Variants in ICA1 observed in about 807,000 individuals in gnomAD.
ICA1 encodes 69 kDa islet cell autoantigen.
ICA1 carries 40 observed loss-of-function variants against 71.0 expected under a neutral mutation model. The ratio of observed to expected loss-of-function variants is 0.56; its 90% CI spans 0.44 to 0.73. The LOEUF (loss-of-function observed/expected upper bound fraction) is 0.73, where lower values mean the gene tolerates loss of function less well. Ranked by LOEUF, ICA1 falls within the 30% of genes least tolerant of loss-of-function variation. ICA1 has a pLI of 0.00. For missense variants in ICA1, 578 were observed against 576.5 expected (o/e 1.00, Z -0.03); for synonymous variants, 207 against 209.5 (o/e 0.99, Z 0.10).
intron 12 of ICA1, among the ~76,000 whole-genome samples, chr7:8,137,858 C>G (rs1793940508): frequency 6.6e-6 from 1 of 152,222 alleles, no homozygotes; most frequent in Non-Finnish European, 1.5e-5. Context: ...CAGAGACTCT[C>G]TTCCTTGCAC....
Position 8,113,287 on chromosome 7 carries a change from C to CA in ICA1, c.*635dup, listed in dbSNP as rs1479867684. The CA allele has an allele frequency of 2.0e-5, 3 of 151,328 alleles. No individual in the cohort carries two copies. Among genetic ancestry groups the CA allele is most frequent in the Non-Finnish European group, 4.4e-5 (3 of 67,902 alleles). 9.4% of individuals were successfully genotyped at this position (151,328 alleles called of 1,614,324 possible). On this transcript the variant is annotated 3_prime_UTR_variant, in exon 14 of 14. Transcript: ENST00000402384. The surrounding 1 kb of genome is among the most constrained non-coding windows in gnomAD (Gnocchi z 4.2). ...TTTTGAATTCCAGCCACGAAGAGGA[C>CA]AAAAGGAGACAGTGGTATCTGCAAA... is the stretch of plus-strand genomic sequence containing the variant.
intron 6 of ICA1, among the ~76,000 whole-genome samples, chr7:8,170,659 T>C (rs992933612): frequency 6.6e-6 from 1 of 152,018 alleles, no homozygotes; most frequent in Non-Finnish European, 1.5e-5. Context: ...TAACTTCAGC[T>C]TGTATACTGT....
intron 3 of ICA1, among the ~76,000 whole-genome samples, chr7:8,229,640 C>A (rs945431348): frequency 6.6e-6 from 1 of 152,216 alleles, no homozygotes; most frequent in Non-Finnish European, 1.5e-5. Context: ...TGCGTGAACA[C>A]AGATGATCTG....
At chr7:8,163,107 T>A (rs1476151840) in intron 6 of ICA1, among the ~76,000 whole-genome samples, 1 of 152,178 alleles carries the variant, frequency 6.6e-6, no homozygotes, top group Non-Finnish European at 1.5e-5. Flanking sequence ...GGGTTCTGTC[T>A]TCCTCAGGCC....
intron 6 of ICA1, among the ~76,000 whole-genome samples, chr7:8,208,686 C>T (rs1005775504): frequency 1.3e-5 from 2 of 152,182 alleles, no homozygotes; most frequent in African/African-American, 2.4e-5. Flanking sequence ...ACCAGTAAAT[C>T]ATACTACCTG....
At chr7:8,153,579 A>G (rs1358284890) in intron 8 of ICA1, among the ~76,000 whole-genome samples, 1 of 152,112 alleles carries the variant, frequency 6.6e-6, no homozygotes, top group African/African-American at 2.4e-5. Flanking sequence ...GATGAAGCAA[A>G]GACTACCACA....
At chr7:8,138,919 G>A in intron 11 of ICA1, 38 bp from the exon 12 acceptor site, 1 of 1,594,306 alleles carries the variant, frequency 6.3e-7, no homozygotes, top group Non-Finnish European at 8.6e-7. Flanking sequence ...TTATAAGTCA[G>A]TTTCATTTTG....
chr7:8,208,527 G>A (rs1260566921), intron 6 of ICA1, among the ~76,000 whole-genome samples: 1 of 152,096 alleles, frequency 6.6e-6, no homozygotes, highest in Non-Finnish European at 1.5e-5. Context: ...TCTAGAAGAT[G>A]GTAAAAATTA....
intron 6 of ICA1, among the ~76,000 whole-genome samples, chr7:8,182,213 C>A (rs1782412357): frequency 6.6e-6 from 1 of 152,100 alleles, no homozygotes; most frequent in South Asian, 2.1e-4. Flanking sequence ...CTATCTGGAC[C>A]CACTGGACAA....
intron 8 of ICA1, among the ~76,000 whole-genome samples, chr7:8,150,587 A>G (rs1426217215): frequency 1.3e-5 from 2 of 152,130 alleles, no homozygotes; most frequent in African/African-American, 4.8e-5. Flanking sequence ...AAATTCTACA[A>G]CTAGTTAAGA....
chr7:8,182,512 A>G lies in ICA1; in HGVS notation c.580-23860T>C, dbSNP rs188601769. 9.8e-5 allele frequency among the ~76,000 whole-genome samples: 15 copies of G among 152,374 alleles called. 2 individuals carry two copies. Among genetic ancestry groups the G allele is most frequent in the African/African-American group, 3.6e-4 (15 of 41,598 alleles). On this transcript the variant is annotated intron_variant, in intron 6 of 13. Transcript: ENST00000402384. Reference sequence around the variant, plus strand: ...CCTGGAAACAGAAGTCATTAAAGTCATTAAACCAACCATTGGGATGTTCCA... The same window carrying G: ...CCTGGAAACAGAAGTCATTAAAGTCGTTAAACCAACCATTGGGATGTTCCA...
intron 12 of ICA1, among the ~76,000 whole-genome samples, chr7:8,138,193 C>G (rs1794052684): frequency 6.6e-6 from 1 of 152,192 alleles, no homozygotes; most frequent in African/African-American, 2.4e-5. Flanking sequence ...TCTGGATTCT[C>G]TTTTGGGAGG....
chr7:8,165,035 C>CCACT (rs1805390427), intron 6 of ICA1, among the ~76,000 whole-genome samples: 1 of 152,142 alleles, frequency 6.6e-6, no homozygotes, highest in Non-Finnish European at 1.5e-5. Context: ...TGTGATCATG[C>CCACT]CACTGCACTC....
chr7:8,198,162 T>C (rs1788336770), intron 6 of ICA1, among the ~76,000 whole-genome samples: 1 of 152,202 alleles, frequency 6.6e-6, no homozygotes, highest in South Asian at 2.1e-4. Flanking sequence ...TTACCCATTG[T>C]CACAAACATC....
At chr7:8,176,773 T>G (rs1245915528) in intron 6 of ICA1, among the ~76,000 whole-genome samples, 1 of 152,198 alleles carries the variant, frequency 6.6e-6, no homozygotes, top group East Asian at 1.9e-4. Flanking sequence ...CACTTACTGA[T>G]TAGATGTCAT....
chr7:8,165,981 T>A (rs1331333126), intron 6 of ICA1, among the ~76,000 whole-genome samples: 3 of 152,324 alleles, frequency 2.0e-5, no homozygotes, highest in Admixed American at 2.0e-4. Flanking sequence ...CCTATAAAAC[T>A]ACCAATGCCA....
intron 6 of ICA1, among the ~76,000 whole-genome samples, chr7:8,174,522 G>A (rs1274089096): frequency 1.3e-5 from 2 of 152,018 alleles, no homozygotes; most frequent in African/African-American, 4.8e-5. Context: ...AGCTGGGCGT[G>A]GTGGTTCACG....
chr7:8,176,278 C>T (rs1780608432), intron 6 of ICA1, among the ~76,000 whole-genome samples: 1 of 152,242 alleles, frequency 6.6e-6, no homozygotes. Context: ...TGCTTCTGTA[C>T]TGCCTCTGCC....
chr7:8,152,610 A>T (rs1403081871), intron 8 of ICA1, among the ~76,000 whole-genome samples: 47 of 142,156 alleles, frequency 3.3e-4, no homozygotes, highest in Non-Finnish European at 5.4e-4. Context: ...CAGCACTACC[A>T]CCATCACCTC....
Sources: gnomAD v4.1 joint callset for allele counts (sites outside exome capture counted in the v4.1 genomes callset) on GRCh38, gnomAD v4.1.1 for gene constraint, Gnocchi (gnomAD v3.1) non-coding constraint, MANE v1.5 for transcripts, NCBI Gene and HGNC (gene_info 2026-07-23, HGNC 2026-07-21) for gene names.